NKAIN3: variants seen among roughly 807,000 people sequenced by gnomAD.
The protein encoded by NKAIN3 is sodium/potassium-transporting ATPase subunit beta-1-interacting protein 3.
Under a neutral mutation model 30.2 loss-of-function variants are expected in NKAIN3, and 25 were observed. The observed-to-expected ratio is 0.83, with a 90% confidence interval of 0.60 to 1.16. NKAIN3 has a LOEUF of 1.16. Ranked by LOEUF, NKAIN3 falls within the 50% of genes most tolerant of loss-of-function variation. The pLI is 0.00. For missense variants in NKAIN3, 225 were observed against 254.1 expected (o/e 0.89, Z 0.78); for synonymous variants, 91 against 89.6 (o/e 1.02, Z -0.09).
chr8:62,274,699 C>T (rs942991704), intron 1 of NKAIN3, among the ~76,000 whole-genome samples: 4 of 151,884 alleles, frequency 2.6e-5, no homozygotes, highest in Non-Finnish European at 5.9e-5. Flanking sequence ...CATCCATTAA[C>T]TCGTCATTTA....
intron 3 of NKAIN3, among the ~76,000 whole-genome samples, chr8:62,703,583 A>G (rs1184816235): frequency 6.6e-6 from 1 of 152,180 alleles, no homozygotes; most frequent in Non-Finnish European, 1.5e-5. Context: ...CGGTAATGCA[A>G]TCTGGATTTG....
intron 1 of NKAIN3, among the ~76,000 whole-genome samples, chr8:62,253,157 A>G (rs560279433): frequency 6.6e-6 from 1 of 152,180 alleles, no homozygotes; most frequent in African/African-American, 2.4e-5. Flanking sequence ...TCTTATTACT[A>G]TTAGACCTAG....
At chr8:62,797,247 G>T (rs1817891473) in intron 4 of NKAIN3, among the ~76,000 whole-genome samples, 1 of 152,120 alleles carries the variant, frequency 6.6e-6, no homozygotes, top group African/African-American at 2.4e-5. Flanking sequence ...TTACATAAAT[G>T]GGCTCTCTTG....
chr8:62,322,326 C>T (rs1216517233), intron 1 of NKAIN3, among the ~76,000 whole-genome samples: 1 of 152,116 alleles, frequency 6.6e-6, no homozygotes. Flanking sequence ...GTGCACTGTA[C>T]CCACTGTCCT....
chr8:62,290,593 C>T (rs1813566318), intron 1 of NKAIN3, among the ~76,000 whole-genome samples: 1 of 152,186 alleles, frequency 6.6e-6, no homozygotes. Context: ...ATGAGACCAA[C>T]TTGCTCATGG....
rs1823807323 is a variant in NKAIN3 at position 62,970,375 on chromosome 8, A to T, written c.*4968A>T. ...AAAGCTTAGTTTCTTATTGAAGACT[A>T]AAAAGAAAAATGCCACTTCTTGAAG... On this transcript the variant is annotated 3_prime_UTR_variant, in exon 7 of 7. Coordinates refer to ENST00000623646, the MANE Select transcript of NKAIN3 (RefSeq NM_001304533.3). Among the ~76,000 whole-genome samples the T allele has an allele frequency of 6.6e-6, 1 of 152,214 alleles. No individual in the cohort carries two copies. Among genetic ancestry groups the T allele is most frequent in the African/African-American group, 2.4e-5 (1 of 41,460 alleles).
At position 62,444,323 on chromosome 8, in the gene NKAIN3, A is replaced by G. The variant is rs142649962; in HGVS notation, c.55-135216A>G. ...TTAGCTATAGTCACCATACTGATCT[A>G]TTGAACACTAGACCTTATTTCTTCT... On this transcript the variant is annotated intron_variant, in intron 1 of 6. Transcript: ENST00000623646. Among the ~76,000 whole-genome samples the G allele has an allele frequency of 2.5e-3, 387 of 152,272 alleles. 3 individuals are homozygous for G. Among genetic ancestry groups the G allele is most frequent in the African/African-American group, 7.4e-3 (306 of 41,552 alleles).
chr8:62,337,454 G>C (rs1815597343), intron 1 of NKAIN3, among the ~76,000 whole-genome samples: 1 of 151,386 alleles, frequency 6.6e-6, no homozygotes, highest in African/African-American at 2.4e-5. Flanking sequence ...GTATATCAGG[G>C]GCAGGAAAAA....
intron 1 of NKAIN3, among the ~76,000 whole-genome samples, chr8:62,324,371 TA>T (rs1415214238): frequency 1.3e-5 from 2 of 152,078 alleles, no homozygotes; most frequent in Non-Finnish European, 2.9e-5. Flanking sequence ...GATTACGACC[TA>T]AAAATATGTT....
chr8:62,356,060 G>A (rs1292928569), intron 1 of NKAIN3, among the ~76,000 whole-genome samples: 1 of 152,102 alleles, frequency 6.6e-6, no homozygotes, highest in Admixed American at 6.6e-5. Context: ...CTAAATCCAG[G>A]TCACATTTCT....
At chr8:62,798,183 G>A (rs887507953) in intron 4 of NKAIN3, among the ~76,000 whole-genome samples, 7 of 152,144 alleles carry the variant, frequency 4.6e-5, no homozygotes, top group African/African-American at 1.7e-4. Flanking sequence ...GTTCCTTGCA[G>A]CACCTTGCAG....
rs574247706 is a variant in NKAIN3, at chr8:62,726,219, G to C, written c.274-20713G>C. 2.0e-5 allele frequency among the ~76,000 whole-genome samples: 3 copies of C among 152,074 alleles called. No individual in the cohort carries two copies. The South Asian group carries it at 6.2e-4, about 32-fold the overall frequency. On this transcript the variant is annotated intron_variant, in intron 3 of 6. Coordinates refer to ENST00000623646, the MANE Select transcript of NKAIN3 (RefSeq NM_001304533.3). Reference sequence around the variant, plus strand: ...ACAACTTTACTGAATTTGTTTATCAGTTGGAGTCTTTAGGTTTTTTCTAAC... The same window carrying C: ...ACAACTTTACTGAATTTGTTTATCACTTGGAGTCTTTAGGTTTTTTCTAAC...
At chr8:62,910,368 T>C (rs1333916571) in intron 4 of NKAIN3, among the ~76,000 whole-genome samples, 1 of 152,150 alleles carries the variant, frequency 6.6e-6, no homozygotes, top group Non-Finnish European at 1.5e-5. Context: ...CATACATAGC[T>C]TGCTTCATGT....
At chr8:62,502,449 T>G (rs987501697) in intron 1 of NKAIN3, among the ~76,000 whole-genome samples, 1 of 152,126 alleles carries the variant, frequency 6.6e-6, no homozygotes, top group Non-Finnish European at 1.5e-5. Context: ...CTCACACTCA[T>G]GTAATTTTCC....
intron 3 of NKAIN3, among the ~76,000 whole-genome samples, chr8:62,728,341 G>T (rs945987876): frequency 1.3e-5 from 2 of 152,126 alleles, no homozygotes; most frequent in Non-Finnish European, 2.9e-5. Flanking sequence ...AAAAAAGAAT[G>T]AATTGAAAAT....
intron 3 of NKAIN3, among the ~76,000 whole-genome samples, chr8:62,699,612 A>G (rs775539429): frequency 4.6e-5 from 7 of 152,178 alleles, no homozygotes; most frequent in Non-Finnish European, 1.0e-4. Context: ...AAGATCTTCA[A>G]AAGCCTTTCC....
chr8:62,695,218 G>A (rs552032142), intron 3 of NKAIN3, among the ~76,000 whole-genome samples: 2 of 152,124 alleles, frequency 1.3e-5, no homozygotes, highest in South Asian at 4.1e-4. Context: ...AAACTTAATT[G>A]CAATTTCTAC....
intron 1 of NKAIN3, among the ~76,000 whole-genome samples, chr8:62,301,669 AAAGTG>A (rs1814054382): frequency 1.3e-5 from 2 of 152,114 alleles, no homozygotes; most frequent in African/African-American, 4.8e-5. Flanking sequence ...GATATATTAA[AAAGTG>A]AATTAATTTT....
intron 3 of NKAIN3, among the ~76,000 whole-genome samples, chr8:62,734,172 A>G (rs1320428210): frequency 6.6e-6 from 1 of 152,120 alleles, no homozygotes; most frequent in Non-Finnish European, 1.5e-5. Context: ...AGTGTCAGCT[A>G]CTTGGTAGGC....
Sources: allele counts gnomAD v4.1 joint callset (sites outside exome capture counted in the v4.1 genomes callset), GRCh38; gene constraint gnomAD v4.1.1; transcripts MANE v1.5; gene names NCBI Gene and HGNC (gene_info 2026-07-23, HGNC 2026-07-21).